ANKS3: variants seen among roughly 807,000 people sequenced by gnomAD.
The protein encoded by ANKS3 is ankyrin repeat and sterile alpha motif domain containing 3, also known as ankyrin repeat and SAM domain-containing protein 3.
A neutral mutation model predicts 80.7 loss-of-function variants in ANKS3; 62 were observed. That is an observed-to-expected ratio of 0.77 (90% CI 0.63 to 0.95). The LOEUF is 0.95. Ranked by LOEUF, ANKS3 falls within the 40% of genes least tolerant of loss-of-function variation. ANKS3 has a pLI of 0.00. For synonymous variants in ANKS3, 489 were observed against 355.3 expected, an observed-to-expected ratio of 1.38 and a Z score of -4.23; for missense variants, 1,150 against 883.6, an observed-to-expected ratio of 1.30 and a Z score of -3.82.
At chr16:4,699,979 C>T (rs1402399184) in intron 11 of ANKS3, 2 of 152,572 alleles carry the variant, frequency 1.3e-5, no homozygotes, top group South Asian at 2.1e-4. Context: ...TAGGACACTA[C>T]CCTGACCAGA....
Position 4,714,133 on chromosome 16 carries a change from G to A in ANKS3, c.627C>T (p.Ala209=), listed in dbSNP as rs963094532. The stretch of plus-strand genomic sequence containing the variant: ...CGATCTTCATGTGTCCGTACTGCTT[G>A]GCCAGCATCCGGGCTGTGGCTCCAC... ...DHSGATARML[A]KQYGHMKIVA... Residue 209 remains alanine (A), a synonymous_variant, in exon 7 of 18, where the codon GCC becomes GCT. Transcript: ENST00000304283. The A allele has an allele frequency of 1.9e-6, 3 of 1,614,112 alleles. No homozygotes were observed. The highest frequency in any genetic ancestry group is 1.6e-4 in the Middle Eastern group (1 of 6,062).
chr16:4,726,733 G>T lies in ANKS3; in HGVS notation c.417C>A (p.Leu139=), dbSNP rs1193287297. ...EMKDIQGWTA[L]FHCTSAGHQH... ...GGTGCCCGGCGCTGGTACAGTGGAA[G>T]AGGGCTGTCCAGCCCTGGATGTCTT... The change falls in exon 5 of 18, where the codon CTC becomes CTA. Residue 139 remains leucine (L), a synonymous_variant. Coordinates refer to ENST00000304283, the MANE Select transcript of ANKS3 (RefSeq NM_133450.4). 3 of 1,614,224 alleles carry T rather than the reference G, an allele frequency of 1.9e-6. No homozygotes were observed. The highest frequency in any genetic ancestry group is 4.5e-5 in the East Asian group (2 of 44,882).
At chr16:4,700,897 C>T in intron 11 of ANKS3, 73 bp downstream of exon 11, 1 of 1,580,630 alleles carries the variant, frequency 6.3e-7, no homozygotes, top group South Asian at 1.1e-5. Context: ...ACGTCATATA[C>T]ACAACACATG....
chr16:4,724,825 C>T lies in ANKS3; in HGVS notation c.498G>A (p.Pro166=), dbSNP rs1288118627. Reference sequence around the variant, plus strand: ...CCATCAAGGGAGTAAATCCACATATCGGCTCCCTGCAAGATGTGGGCCACA... The same window carrying T: ...CCATCAAGGGAGTAAATCCACATATTGGCTCCCTGCAAGATGTGGGCCACA... ...DSGANANVRE[P]ICGFTPLMEA... Residue 166 remains proline (P), a synonymous_variant, in exon 6 of 18, where the codon CCG becomes CCA. Transcript: ENST00000304283. The T allele has an allele frequency of 5.0e-6, 8 of 1,613,914 alleles. No homozygotes were observed. In the South Asian group the frequency reaches 7.7e-5, roughly 16 times the overall value.
rs533707143 is a variant in ANKS3, at chr16:4,703,245, T to G, written c.869-1003A>C. 7.2e-5 allele frequency among the ~76,000 whole-genome samples: 11 copies of G among 152,286 alleles called. No homozygotes were observed. In the East Asian group the frequency reaches 2.1e-3, roughly 29 times the overall value. On this transcript the variant is annotated intron_variant, in intron 8 of 17. Transcript: ENST00000304283. ...CTTCCACCTCAGCCTCTCATGTAAC[T>G]GGGGCTACAGGCATGGGCCACCATA... is the stretch of plus-strand genomic sequence containing the variant.
chr16:4,724,560 T>A (rs2081260981), intron 6 of ANKS3, among the ~76,000 whole-genome samples, 190 bp downstream of exon 6: 1 of 152,242 alleles, frequency 6.6e-6, no homozygotes, highest in Non-Finnish European at 1.5e-5. Context: ...TGTCTATTTC[T>A]ACTCACCACT....
intron 5 of ANKS3, among the ~76,000 whole-genome samples, chr16:4,725,417 A>C (rs150317827): frequency 6.6e-6 from 1 of 152,344 alleles, no homozygotes; most frequent in Non-Finnish European, 1.5e-5. Context: ...TAAGACACAC[A>C]GTGTTCATAT....
chr16:4,731,376 T>C (rs2081610587), intron 2 of ANKS3, 136 bp downstream of exon 2: 1 of 152,260 alleles, frequency 6.6e-6, no homozygotes. Flanking sequence ...GCCTCCTGGG[T>C]TTAAGGGCTT....
intron 8 of ANKS3, among the ~76,000 whole-genome samples, chr16:4,703,901 G>T (rs2080050466): frequency 6.6e-6 from 1 of 152,188 alleles, no homozygotes; most frequent in African/African-American, 2.4e-5. Context: ...TAAAGCATTT[G>T]TTGTACAGCT....
chr16:4,699,619 T>C lies in ANKS3; in HGVS notation c.1285-443A>G, dbSNP rs73521450. ...AGCTCCCTGGATGTAAGATCCGTGT[T>C]TCTGATCCACTGAGATGGTCAGGCT... On this transcript the variant is annotated intron_variant, in intron 11 of 17. Coordinates refer to ENST00000304283, the MANE Select transcript of ANKS3 (RefSeq NM_133450.4). 8.6e-3 allele frequency: 1,666 copies of C among 193,752 alleles called. 25 individuals carry two copies. The highest frequency in any genetic ancestry group is 0.037 in the African/African-American group (1,616 of 43,588). 12.0% of individuals were successfully genotyped at this position (193,752 alleles called of 1,614,324 possible). A position where few individuals can be genotyped will look rare whatever the true frequency, so the allele number is the denominator to read the frequency against.
chr16:4,724,254 G>A (rs1382596189), intron 6 of ANKS3, among the ~76,000 whole-genome samples: 1 of 151,544 alleles, frequency 6.6e-6, no homozygotes, highest in Non-Finnish European at 1.5e-5. Context: ...ACAAAGATAA[G>A]ATGTCTATAA....
Position 4,714,151 on chromosome 16 carries a change from G to A in ANKS3, c.609C>T (p.Ala203=). The change falls in exon 7 of 18, where the codon GCC becomes GCT. Residue 203 remains alanine (A), a synonymous_variant. Transcript: ENST00000304283. ...ACTGCTTGGCCAGCATCCGGGCTGT[G>A]GCTCCACTGTGGTCTCTCGCGTCCA... ...VKVDARDHSG[A]TARMLAKQYG... The A allele has an allele frequency of 6.2e-7, 1 of 1,614,146 alleles. No individual in the cohort carries two copies. The highest frequency in any genetic ancestry group is 8.5e-7 in the Non-Finnish European group (1 of 1,180,024).
chr16:4,700,779 T>A (rs984122011), intron 11 of ANKS3, 191 bp downstream of exon 11: 3 of 816,674 alleles, frequency 3.7e-6, no homozygotes, highest in Non-Finnish European at 6.4e-6. Flanking sequence ...AGGAACAGAG[T>A]AGAAGCGCTG....
intron 1 of ANKS3, among the ~76,000 whole-genome samples, chr16:4,732,917 C>T (rs990815912): frequency 5.9e-5 from 9 of 151,934 alleles, no homozygotes; most frequent in African/African-American, 2.2e-4. Context: ...CTATCATTTG[C>T]AAAAACATGG....
Position 4,713,899 on chromosome 16 carries a change from T to C in ANKS3, c.709+152A>G, listed in dbSNP as rs1486854766. On this transcript the variant is annotated intron_variant, in intron 7 of 17. Coordinates refer to ENST00000304283, the MANE Select transcript of ANKS3 (RefSeq NM_133450.4). The stretch of plus-strand genomic sequence containing the variant: ...CTTATCTCCTGTTAGAGCAGGGGCC[T>C]CAACCTTGACATGTAAGCAGCTGGG... 6.3e-6 allele frequency: 7 copies of C among 1,114,180 alleles called. No individual in the cohort carries two copies. The Admixed American group carries it at 2.0e-4, about 32-fold the overall frequency. The allele number at this position is 1,114,180 out of a possible 1,614,324, so 69.0% of individuals were successfully genotyped here.
chr16:4,704,868 A>C (rs1042978219), intron 8 of ANKS3, among the ~76,000 whole-genome samples: 5 of 152,230 alleles, frequency 3.3e-5, no homozygotes, highest in Non-Finnish European at 2.9e-5. Context: ...ACGAAAAGGA[A>C]ACTCCAGGAG....
rs1384930306 is a variant in ANKS3, at chr16:4,700,982, G to GT, written c.1271dup (p.Tyr424Ter). Reference sequence around the variant, plus strand: ...CAAGCGGTCTTACCTGGGGTCCTGAGTAGGGGGCCCTCTGAGTCTGGGGGC... The same window carrying GT: ...CAAGCGGTCTTACCTGGGGTCCTGAGTTAGGGGGCCCTCTGAGTCTGGGGGC... ...ESSPQTQRAP[Y>*]SGPQDLAALL... The change falls in exon 11 of 18, where the codon TAC becomes TAAC. Residue 424 changes from tyrosine to a stop codon, truncating the protein, a stop_gained and frameshift_variant. Coordinates refer to ENST00000304283, the MANE Select transcript of ANKS3 (RefSeq NM_133450.4). LOFTEE classifies it high-confidence loss of function. 1 of 1,613,852 alleles carries GT rather than the reference G, an allele frequency of 6.2e-7. No homozygotes were observed. The highest frequency in any genetic ancestry group is 1.3e-5 in the African/African-American group (1 of 74,924).
Position 4,701,058 on chromosome 16 carries a change from T to C in ANKS3, c.1196A>G (p.Gln399Arg). The change falls in exon 11 of 18, where the codon CAG becomes CGG. Residue 399 changes from glutamine to arginine, a missense_variant. Coordinates refer to ENST00000304283, the MANE Select transcript of ANKS3 (RefSeq NM_133450.4). ...SYMKTKNPDS[Q>R]WPPRAATDRE... ...GTCAGTTGCAGCGCGGGGAGGCCACTGGCTGTCAGGATTCTTGGTCTTCAT... is the reference window on the plus strand; with the variant it reads ...GTCAGTTGCAGCGCGGGGAGGCCACCGGCTGTCAGGATTCTTGGTCTTCAT... 6.2e-7 allele frequency: 1 copy of C among 1,614,112 alleles called. No homozygotes were observed.
chr16:4,704,928 G>A (rs949850322), intron 8 of ANKS3, among the ~76,000 whole-genome samples, 167 bp downstream of exon 8: 5 of 152,238 alleles, frequency 3.3e-5, no homozygotes, highest in African/African-American at 1.2e-4. Context: ...TTCCATCACA[G>A]GACTCAATCC....
Sources: gnomAD v4.1 joint callset for allele counts (sites outside exome capture counted in the v4.1 genomes callset) on GRCh38, gnomAD v4.1.1 for gene constraint, MANE v1.5 for transcripts, NCBI Gene and HGNC (gene_info 2026-07-23, HGNC 2026-07-21) for gene names.